The following SBF2 variants were observed in gnomAD, a reference collection of about 807,000 sequenced individuals.
SBF2 encodes myotubularin-related protein 13.
In SBF2, 112 loss-of-function variants were observed where a neutral mutation model predicts 225.2. The observed-to-expected ratio is 0.50, with a 90% CI of 0.43 to 0.58. The LOEUF (loss-of-function observed/expected upper bound fraction) is 0.58. SBF2 is among the 20% of genes least tolerant of loss of function. The probability of loss-of-function intolerance (pLI) is 0.00; values close to 1 mark genes in which losing one functional copy is unlikely to be tolerated. For missense variants in SBF2, 1,996 were observed against 2,206.2 expected (o/e 0.90, Z 1.91); for synonymous variants, 763 against 773.3 (o/e 0.99, Z 0.22).
At chr11:9,958,758 G>C (rs1866365533) in intron 16 of SBF2, 1 of 457,760 alleles carries the variant, frequency 2.2e-6, no homozygotes, top group Admixed American at 2.6e-5. Flanking sequence ...GTACTGGAAG[G>C]GCTCAACTCC....
At chr11:9,805,704 C>G (rs377087593) in intron 32 of SBF2, among the ~76,000 whole-genome samples, 22 of 152,114 alleles carry the variant, frequency 1.4e-4, no homozygotes, top group Non-Finnish European at 2.4e-4. Context: ...CTCAATGCAA[C>G]CTCCGCCTCC....
chr11:9,944,360 C>G (rs1318241732), intron 16 of SBF2, among the ~76,000 whole-genome samples: 1 of 152,068 alleles, frequency 6.6e-6, no homozygotes, highest in Non-Finnish European at 1.5e-5. Context: ...TACTATTGTT[C>G]TTTAAACATA....
Position 9,848,191 on chromosome 11 carries a change from T to C in SBF2, c.2807-1108A>G, listed in dbSNP as rs79377016. Among the ~76,000 whole-genome samples, 58 of 152,304 alleles carry C rather than the reference T, an allele frequency of 3.8e-4. No individual in the cohort carries two copies. The East Asian group carries it at 0.011, about 28-fold the overall frequency. On this transcript the variant is annotated intron_variant, in intron 22 of 39. Coordinates refer to ENST00000256190, the MANE Select transcript of SBF2 (RefSeq NM_030962.4). ...AATCCTAATTCCCTGGATCTATCAATCTGTAATCTAGAAAAATTCTGACTA... is the reference window on the plus strand; with the variant it reads ...AATCCTAATTCCCTGGATCTATCAACCTGTAATCTAGAAAAATTCTGACTA...
intron 2 of SBF2, among the ~76,000 whole-genome samples, chr11:10,182,201 A>G (rs1956763890): frequency 6.6e-6 from 1 of 152,208 alleles, no homozygotes; most frequent in African/African-American, 2.4e-5. Context: ...ATAGATGTAT[A>G]ATTCGACAAA....
At chr11:10,103,304 C>G (rs181017985) in intron 2 of SBF2, among the ~76,000 whole-genome samples, 1 of 152,080 alleles carries the variant, frequency 6.6e-6, no homozygotes, top group East Asian at 1.9e-4. Flanking sequence ...ATATTATGTC[C>G]TCTAAAGACC....
At chr11:10,027,624 G>A (rs770397217) in intron 6 of SBF2, among the ~76,000 whole-genome samples, 1 of 152,262 alleles carries the variant, frequency 6.6e-6, no homozygotes, top group Middle Eastern at 3.4e-3. Flanking sequence ...TCATAGGCAG[G>A]ATATATAAAG....
At chr11:9,888,436 G>A (rs147741115) in intron 17 of SBF2, among the ~76,000 whole-genome samples, 94 of 151,818 alleles carry the variant, frequency 6.2e-4, no homozygotes, top group African/African-American at 2.2e-3. Flanking sequence ...CCCAGGAGGT[G>A]GAGGTTGCAG....
At chr11:10,015,762 G>T (rs936941354) in intron 6 of SBF2, among the ~76,000 whole-genome samples, 1 of 152,080 alleles carries the variant, frequency 6.6e-6, no homozygotes, top group Non-Finnish European at 1.5e-5. Context: ...GTCATGTCAA[G>T]TCTAGTCTTT....
At chr11:10,102,748 CCA>C (rs1008272443) in intron 2 of SBF2, among the ~76,000 whole-genome samples, 2 of 152,138 alleles carry the variant, frequency 1.3e-5, no homozygotes, top group East Asian at 1.9e-4. Flanking sequence ...TGATATGGGG[CCA>C]CAGTCTGGGC....
chr11:9,992,507 C>G lies in SBF2; in HGVS notation c.1204G>C (p.Asp402His), dbSNP rs1947482555. 6.2e-7 allele frequency: 1 copy of G among 1,612,938 alleles called. No homozygotes were observed. The highest frequency in any genetic ancestry group is 1.3e-5 in the African/African-American group (1 of 74,854). Reference protein sequence around the residue: ...FLGQRGLVENDFLTKVLSGMA... With the variant: ...FLGQRGLVENHFLTKVLSGMA... ...CCACTGAGTACTTTAGTGAGGAAAT[C>G]ATTCTCGACCAAACCACGCTGCCCC... The change falls in exon 12 of 40, where the codon GAT becomes CAT. Residue 402 changes from aspartate to histidine, a missense_variant. Asp to His is a moderately conservative substitution (Grantham distance 81, BLOSUM62 -1). Coordinates refer to ENST00000256190, the MANE Select transcript of SBF2 (RefSeq NM_030962.4).
chr11:9,856,528 T>G lies in SBF2; in HGVS notation c.2293A>C (p.Lys765Gln). Residue 765 changes from lysine (K) to glutamine (Q), a missense_variant, in exon 19 of 40, where the codon AAA becomes CAA. Coordinates refer to ENST00000256190, the MANE Select transcript of SBF2 (RefSeq NM_030962.4). ...GCTGATGTTCTTAGGAGCTTGTTTT[T>G]ACTTGTGTCGAGTGGAACTAGCAGG... ...VNLLVPLDTSKNKLLRTSAPG... is the reference protein window; with the variant it reads ...VNLLVPLDTSQNKLLRTSAPG... The G allele has an allele frequency of 1.9e-6, 3 of 1,614,200 alleles. No homozygotes were observed. The highest frequency in any genetic ancestry group is 2.5e-6 in the Non-Finnish European group (3 of 1,180,042).
At chr11:9,889,405 A>G (rs1860611100) in intron 17 of SBF2, among the ~76,000 whole-genome samples, 1 of 152,244 alleles carries the variant, frequency 6.6e-6, no homozygotes, top group African/African-American at 2.4e-5. Flanking sequence ...TTACAGCCAG[A>G]TAAACCTGTG....
chr11:9,839,038 C>T (rs1362485150), intron 26 of SBF2: 2 of 210,086 alleles, frequency 9.5e-6, no homozygotes, highest in African/African-American at 4.7e-5. Context: ...TACTCATTTC[C>T]TTACTGTCTG....
chr11:9,798,263 C>T (rs570973185), intron 32 of SBF2, among the ~76,000 whole-genome samples: 2 of 152,274 alleles, frequency 1.3e-5, no homozygotes, highest in South Asian at 4.1e-4. Flanking sequence ...CTTTCTTAAG[C>T]ATTGCTCAGA....
intron 35 of SBF2, among the ~76,000 whole-genome samples, chr11:9,788,377 G>T (rs1852510068): frequency 6.6e-6 from 1 of 152,116 alleles, no homozygotes; most frequent in African/African-American, 2.4e-5. Context: ...AGGAGGGGTT[G>T]GTTCCGGAAC....
At chr11:10,051,149 T>C (rs1295119992) in intron 2 of SBF2, among the ~76,000 whole-genome samples, 1 of 152,022 alleles carries the variant, frequency 6.6e-6, no homozygotes, top group East Asian at 1.9e-4. Flanking sequence ...ATATTATAGG[T>C]TTCAATATTT....
intron 32 of SBF2, among the ~76,000 whole-genome samples, chr11:9,800,629 T>C (rs535724902): frequency 6.6e-6 from 1 of 152,116 alleles, no homozygotes; most frequent in African/African-American, 2.4e-5. Context: ...GGATGGTCTC[T>C]ATCTCCTGAC....
chr11:9,983,801 G>A (rs964680552), intron 13 of SBF2, among the ~76,000 whole-genome samples: 2 of 152,168 alleles, frequency 1.3e-5, no homozygotes, highest in Non-Finnish European at 1.5e-5. Context: ...AGGGAGACTC[G>A]CTGGGTGGCT....
At chr11:9,800,525 G>A (rs940427519) in intron 32 of SBF2, among the ~76,000 whole-genome samples, 1 of 151,814 alleles carries the variant, frequency 6.6e-6, no homozygotes, top group Non-Finnish European at 1.5e-5. Flanking sequence ...TCCTGCCTCA[G>A]CCTCCCGAGT....
Sources: allele counts gnomAD v4.1 joint callset (sites outside exome capture counted in the v4.1 genomes callset), GRCh38; gene constraint gnomAD v4.1.1; transcripts MANE v1.5; gene names NCBI Gene and HGNC (gene_info 2026-07-23, HGNC 2026-07-21).